TEX36: variants seen among roughly 807,000 people sequenced by gnomAD.
The protein encoded by TEX36 is testis expressed 36.
TEX36 carries 12 observed loss-of-function variants against 13.6 expected under a neutral mutation model. That is an observed-to-expected ratio of 0.88 (90% confidence interval 0.56 to 1.43). The LOEUF is 1.43. TEX36 is among the 40% of genes most tolerant of loss of function. The probability of loss-of-function intolerance (pLI) is 0.00; values close to 1 mark genes in which losing one functional copy is unlikely to be tolerated. For synonymous variants in TEX36, 93 were observed against 83.0 expected, an observed-to-expected ratio of 1.12 and a Z score of -0.65; for missense variants, 224 against 228.3, an observed-to-expected ratio of 0.98 and a Z score of 0.12.
At chr10:125,611,100 T>C in intron 3 of TEX36, among the ~76,000 whole-genome samples, 1 of 152,250 alleles carries the variant, frequency 6.6e-6, no homozygotes, top group South Asian at 2.1e-4. Flanking sequence ...CAAATTTTAA[T>C]GGCTGCCTAG....
chr10:125,658,743 T>A (rs905924808), intron 3 of TEX36, among the ~76,000 whole-genome samples: 2 of 151,988 alleles, frequency 1.3e-5, no homozygotes, highest in African/African-American at 4.8e-5. Flanking sequence ...TTTAACCATA[T>A]AGATAATTCA....
At chr10:125,646,067 A>T (rs1164931736) in intron 3 of TEX36, among the ~76,000 whole-genome samples, 1 of 152,230 alleles carries the variant, frequency 6.6e-6, no homozygotes, top group Non-Finnish European at 1.5e-5. Flanking sequence ...AGAGGCTCAC[A>T]CCGATAATCC....
chr10:125,637,283 T>C (rs1331414732), intron 3 of TEX36, among the ~76,000 whole-genome samples: 4 of 151,232 alleles, frequency 2.6e-5, no homozygotes, highest in African/African-American at 7.3e-5. Context: ...CACTCCAGCC[T>C]GAGTGACAGG....
chr10:125,647,070 T>C (rs1181153295), intron 3 of TEX36, among the ~76,000 whole-genome samples: 4 of 152,186 alleles, frequency 2.6e-5, no homozygotes, highest in African/African-American at 9.7e-5. Context: ...TCATAACAAA[T>C]AGAGTTTGTC....
chr10:125,656,167 A>C lies in TEX36; in HGVS notation c.294T>G (p.Asp98Glu). 1 of 1,523,758 alleles carries C rather than the reference A, an allele frequency of 6.6e-7. No individual in the cohort carries two copies. The highest frequency in any genetic ancestry group is 8.8e-7 in the Non-Finnish European group (1 of 1,135,274). The allele number at this position is 1,523,758 out of a possible 1,614,324, so 94.4% of individuals were successfully genotyped here. A position where few individuals can be genotyped will look rare whatever the true frequency, so the allele number is the denominator to read the frequency against. ...SGLGRKKISPDKRQHVSRNFN... is the reference protein window; with the variant it reads ...SGLGRKKISPEKRQHVSRNFN... Reference sequence around the variant, plus strand: ...AATTTCTTGAAACATGTTGCCTCTTATCTGGAGAGATCTTCTTACGTCCCA... The same window carrying C: ...AATTTCTTGAAACATGTTGCCTCTTCTCTGGAGAGATCTTCTTACGTCCCA... The change falls in exon 4 of 4, where the codon GAT becomes GAG. Residue 98 changes from aspartate to glutamate, a missense_variant. Coordinates refer to ENST00000368821, the MANE Select transcript of TEX36 (RefSeq NM_001128202.3).
intron 3 of TEX36, among the ~76,000 whole-genome samples, chr10:125,609,428 A>G (rs1846262167): frequency 6.6e-6 from 1 of 152,196 alleles, no homozygotes; most frequent in Admixed American, 6.5e-5. Context: ...CCCAAGCTCA[A>G]CTGCATTCAG....
At chr10:125,606,613 C>T (rs1283354461) in intron 3 of TEX36, among the ~76,000 whole-genome samples, 1 of 152,110 alleles carries the variant, frequency 6.6e-6, no homozygotes, top group East Asian at 1.9e-4. Context: ...TCAGCAGGGA[C>T]CAGAGCTCTT....
At chr10:125,576,811 C>G (rs1266062607) in exon 4 of TEX36, 1 of 1,536,018 alleles carries the variant, frequency 6.5e-7, no homozygotes, top group Non-Finnish European at 8.7e-7. Context: ...TGGGTCCTCA[C>G]CGGCTCATAG....
intron 1 of TEX36, among the ~76,000 whole-genome samples, chr10:125,678,675 G>A (rs1272629345): frequency 2.6e-5 from 4 of 152,234 alleles, no homozygotes; most frequent in Admixed American, 2.0e-4. Context: ...CGATGGGCTG[G>A]GCAGGCCAGT....
chr10:125,636,513 C>T lies in TEX36; in HGVS notation c.265-14868G>A, dbSNP rs145059903. On this transcript the variant is annotated intron_variant, in intron 3 of 3. Transcript: ENST00000526819. ...ACGGGCGTGAGCCACCACGCCCAGC[C>T]TTGCTGAACTATTTTATATGGTTGA... 4.0e-3 allele frequency among the ~76,000 whole-genome samples: 604 copies of T among 152,292 alleles called. 11 individuals are homozygous for T. The highest frequency in any genetic ancestry group is 0.014 in the African/African-American group (581 of 41,558).
chr10:125,635,909 T>C (rs1310808800), intron 3 of TEX36, among the ~76,000 whole-genome samples: 1 of 152,068 alleles, frequency 6.6e-6, no homozygotes, highest in Non-Finnish European at 1.5e-5. Context: ...GGTCAAGCTC[T>C]GTCACCCAGC....
intron 1 of TEX36, among the ~76,000 whole-genome samples, chr10:125,675,531 C>T (rs1390871178): frequency 6.6e-6 from 1 of 152,194 alleles, no homozygotes; most frequent in Non-Finnish European, 1.5e-5. Flanking sequence ...GTGGTGTGGG[C>T]TCATGAGGGG....
At chr10:125,660,748 C>A (rs942766679) in intron 3 of TEX36, among the ~76,000 whole-genome samples, 3 of 152,132 alleles carry the variant, frequency 2.0e-5, no homozygotes, top group African/African-American at 7.2e-5. Context: ...CAAGAAAGCT[C>A]GCAAAAGAGA....
At chr10:125,645,261 A>T (rs536506620) in intron 3 of TEX36, among the ~76,000 whole-genome samples, 2 of 152,312 alleles carry the variant, frequency 1.3e-5, no homozygotes, top group South Asian at 4.1e-4. Context: ...GTTAACACTT[A>T]ATCTCCAATG....
At chr10:125,636,000 A>C (rs1846619612) in intron 3 of TEX36, among the ~76,000 whole-genome samples, 1 of 151,826 alleles carries the variant, frequency 6.6e-6, no homozygotes, top group Non-Finnish European at 1.5e-5. Context: ...CAGCCTCCTG[A>C]GTAGCTGGGA....
rs544098142 is a variant in TEX36, at chr10:125,671,775, T to C, written c.52-9798A>G. On this transcript the variant is annotated intron_variant, in intron 1 of 3. Coordinates refer to ENST00000368821, the MANE Select transcript of TEX36 (RefSeq NM_001128202.3). ...CCATCTGGTCCTGAGCTTTGTTTGG[T>C]TGGTAGGCTATTAATTACTGCCTCA... Among the ~76,000 whole-genome samples, 11 of 152,304 alleles carry C rather than the reference T, an allele frequency of 7.2e-5. No homozygotes were observed. In the South Asian group the frequency reaches 2.3e-3, roughly 32 times the overall value.
chr10:125,667,993 T>G, intron 1 of TEX36: 3 of 772,254 alleles, frequency 3.9e-6, no homozygotes, highest in Non-Finnish European at 6.9e-6. Context: ...AGGAAATTTC[T>G]TCCTTGGAAA....
chr10:125,608,536 G>C (rs552290157), intron 3 of TEX36, among the ~76,000 whole-genome samples: 1 of 152,170 alleles, frequency 6.6e-6, no homozygotes, highest in Non-Finnish European at 1.5e-5. Context: ...AGCTGGAAAT[G>C]ACCAAGTGGC....
chr10:125,595,620 C>T (rs1589746214), intron 3 of TEX36, among the ~76,000 whole-genome samples: 2 of 152,158 alleles, frequency 1.3e-5, no homozygotes, highest in East Asian at 3.9e-4. Flanking sequence ...CTGTATGCCC[C>T]CCTTCCAGCT....
Sources: allele counts gnomAD v4.1 joint callset (sites outside exome capture counted in the v4.1 genomes callset), GRCh38; gene constraint gnomAD v4.1.1; transcripts MANE v1.5; gene names NCBI Gene and HGNC (gene_info 2026-07-23, HGNC 2026-07-21).